CFAP74: variants seen among roughly 807,000 people sequenced by gnomAD.
The protein encoded by CFAP74 is cilia- and flagella-associated protein 74.
Under a neutral mutation model 188.9 loss-of-function variants are expected in CFAP74, and 124 were observed. The observed-to-expected ratio is 0.66, with a 90% CI of 0.57 to 0.76. The LOEUF is 0.76. Ranked by LOEUF, CFAP74 falls within the 30% of genes least tolerant of loss-of-function variation. CFAP74 has a pLI of 0.00. For missense variants in CFAP74, 2,198 were observed against 2,165.2 expected (o/e 1.02, Z -0.30); for synonymous variants, 956 against 916.7 (o/e 1.04, Z -0.77).
At chr1:1,955,997 T>A in intron 17 of CFAP74, 147 bp from the exon 18 acceptor site, 1 of 1,387,488 alleles carries the variant, frequency 7.2e-7, no homozygotes. Flanking sequence ...GGCTGCCTGC[T>A]CTCGTCTCAC....
chr1:1,928,046 G>A (rs551243749), intron 27 of CFAP74: 17 of 434,148 alleles, frequency 3.9e-5, no homozygotes, highest in African/African-American at 1.8e-4. Context: ...TATCTTCACC[G>A]CGGAAGGCCG....
intron 11 of CFAP74, 134 bp from the exon 12 acceptor site, chr1:1,966,660 T>G: frequency 1.5e-6 from 1 of 659,482 alleles, no homozygotes. Context: ...TGCATGGAGA[T>G]AGCGGTGCAC....
chr1:1,922,265 C>G lies in CFAP74; in HGVS notation c.*22G>C. 1 of 1,592,052 alleles carries G rather than the reference C, an allele frequency of 6.3e-7. No individual in the cohort carries two copies. The highest frequency in any genetic ancestry group is 2.2e-5 in the East Asian group (1 of 44,644). ...GGCTTTGAGGGTGGACAGGAGGGCC[C>G]GAGGGTGCTCTGTGCAGAGGCTTAG... is the stretch of plus-strand genomic sequence containing the variant. On this transcript the variant is annotated 3_prime_UTR_variant, in exon 39 of 39. Transcript: ENST00000682832.
intron 18 of CFAP74, among the ~76,000 whole-genome samples, chr1:1,948,121 TTGGCC>T (rs1558013778): frequency 1.3e-5 from 2 of 151,966 alleles, no homozygotes; most frequent in African/African-American, 4.8e-5. Context: ...TCTGCCCACC[TTGGCC>T]TCCCAAAGTG....
chr1:1,969,208 TAGCCCTGCCC>T (rs1235216686), intron 10 of CFAP74, among the ~76,000 whole-genome samples: 1 of 16,266 alleles, frequency 6.1e-5, no homozygotes, highest in East Asian at 1.6e-3. Flanking sequence ...CAGCCCAGCC[TAGCCCTGCCC>T]AGCCCTGCCC....
chr1:1,960,086 G>A (rs186377657), intron 14 of CFAP74, 56 bp from the exon 15 acceptor site: 178 of 1,458,338 alleles, frequency 1.2e-4, no homozygotes, highest in Admixed American at 3.1e-4. Context: ...GCAGACGCTC[G>A]CCTCACCACC....
At chr1:1,974,930 A>C (rs532608917) in intron 6 of CFAP74, among the ~76,000 whole-genome samples, 140 of 152,340 alleles carry the variant, frequency 9.2e-4, no homozygotes, top group African/African-American at 3.2e-3. Context: ...GCGGCCTGGA[A>C]AGAGACACCT....
intron 1 of CFAP74, among the ~76,000 whole-genome samples, chr1:1,994,491 G>C (rs1175255757): frequency 6.6e-6 from 1 of 152,174 alleles, no homozygotes; most frequent in Non-Finnish European, 1.5e-5. Context: ...GCATTTTAAA[G>C]TCCTGGGAGG....
At chr1:1,951,515 T>C (rs1654201432) in intron 18 of CFAP74, among the ~76,000 whole-genome samples, 1 of 152,256 alleles carries the variant, frequency 6.6e-6, no homozygotes, top group South Asian at 2.1e-4. Context: ...TCTCTATCTC[T>C]GTTCACCACC....
intron 1 of CFAP74, among the ~76,000 whole-genome samples, chr1:1,997,231 T>C (rs948187836): frequency 1.3e-5 from 2 of 152,016 alleles, no homozygotes; most frequent in Non-Finnish European, 1.5e-5. Context: ...GAGACCAGCC[T>C]GACCAATGTG....
intron 1 of CFAP74, among the ~76,000 whole-genome samples, chr1:1,995,856 C>T (rs77365440): frequency 0.058 from 8,607 of 147,486 alleles, 648 homozygotes; most frequent in East Asian, 0.18. Flanking sequence ...TGCAGTGAGC[C>T]GAGATTGCAC....
At chr1:1,979,932 G>C (rs1407030894) in intron 6 of CFAP74, among the ~76,000 whole-genome samples, 1 of 151,014 alleles carries the variant, frequency 6.6e-6, no homozygotes, top group Non-Finnish European at 1.5e-5. Context: ...AGGCTGCGCA[G>C]AACACGCGTG....
intron 6 of CFAP74, among the ~76,000 whole-genome samples, chr1:1,981,877 C>T (rs1413427344): frequency 5.0e-4 from 50 of 100,638 alleles, no homozygotes; most frequent in Non-Finnish European, 8.0e-4. Context: ...CACGGGGGCA[C>T]GCAGGACACA....
intron 1 of CFAP74, among the ~76,000 whole-genome samples, chr1:1,993,048 A>G (rs956282616): frequency 7.3e-5 from 11 of 151,366 alleles, no homozygotes; most frequent in Non-Finnish European, 1.3e-4. Flanking sequence ...TAAAAATACA[A>G]AAACTAGCCA....
chr1:1,922,879 G>T (rs1651495214), intron 37 of CFAP74, 106 bp downstream of exon 37: 2 of 1,492,290 alleles, frequency 1.3e-6, no homozygotes, highest in Admixed American at 4.4e-5. Context: ...AAGCCCGGCT[G>T]TCAGGACAAG....
At chr1:1,999,995 C>T (rs1658119789) in intron 1 of CFAP74, among the ~76,000 whole-genome samples, 1 of 152,054 alleles carries the variant, frequency 6.6e-6, no homozygotes, top group Non-Finnish European at 1.5e-5. Context: ...GAAACCCCGT[C>T]TCTACTAAAA....
At chr1:1,995,352 C>G in intron 1 of CFAP74, among the ~76,000 whole-genome samples, 1 of 151,528 alleles carries the variant, frequency 6.6e-6, no homozygotes, top group Non-Finnish European at 1.5e-5. Context: ...ATTAGCCGGG[C>G]GTGATGGCGC....
At chr1:1,988,007 C>T (rs1657349417) in intron 4 of CFAP74, 2 of 436,188 alleles carry the variant, frequency 4.6e-6, no homozygotes, top group Non-Finnish European at 9.2e-6. Flanking sequence ...CTTGCTCTGT[C>T]ACCCAGGCTT....
At position 1,997,827 on chromosome 1, in the gene CFAP74, G is replaced by A. The variant is rs531981357; in HGVS notation, c.-20+5874C>T. Among the ~76,000 whole-genome samples the A allele has an allele frequency of 5.9e-5, 9 of 152,272 alleles. No individual in the cohort carries two copies. In the South Asian group the frequency reaches 1.9e-3, roughly 32 times the overall value. On this transcript the variant is annotated intron_variant, in intron 1 of 38. Coordinates refer to ENST00000682832, the MANE Select transcript of CFAP74 (RefSeq NM_001304360.2). ...AATGGCCTGGAGGAAAATAAGGAAG[G>A]GGAGGTCTTTAAGTGAAAAGAGCCT...
Sources: gnomAD v4.1 joint callset for allele counts (sites outside exome capture counted in the v4.1 genomes callset) on GRCh38, gnomAD v4.1.1 for gene constraint, MANE v1.5 for transcripts, NCBI Gene and HGNC (gene_info 2026-07-23, HGNC 2026-07-21) for gene names.